The following AFG2B variants were observed in gnomAD, a reference collection of about 807,000 sequenced individuals.
The protein encoded by AFG2B is AAA ATPase AFG2B.
chr15:45,414,528 A>T, the AFG2B span: 1 of 1,565,384 alleles, frequency 6.4e-7, no homozygotes, highest in Non-Finnish European at 8.8e-7. Flanking sequence ...ATGACATTTT[A>T]TTATTATACT....
the AFG2B span, among the ~76,000 whole-genome samples, chr15:45,408,413 G>T: frequency 6.6e-6 from 1 of 151,994 alleles, no homozygotes; most frequent in Non-Finnish European, 1.5e-5. Context: ...TATGCACATA[G>T]TATTTATTTA....
chr15:45,415,687 T>G, the AFG2B span: 1 of 1,614,102 alleles, frequency 6.2e-7, no homozygotes, highest in Admixed American at 1.7e-5. Flanking sequence ...GGATGTGATG[T>G]TCAAGAACGA....
At chr15:45,404,858 A>C in the AFG2B span, among the ~76,000 whole-genome samples, 4 of 151,754 alleles carry the variant, frequency 2.6e-5, no homozygotes, top group Non-Finnish European at 4.4e-5. Flanking sequence ...ACACACACAT[A>C]TATAAAATTT....
At chr15:45,403,251 G>GAAC in the AFG2B span, 2 of 1,581,320 alleles carry the variant, frequency 1.3e-6, no homozygotes, top group Admixed American at 3.6e-5. Context: ...AGGGTTCCCG[G>GAAC]CCTGGGGAGA....
At chr15:45,403,550 G>A in the AFG2B span, 3 of 1,587,756 alleles carry the variant, frequency 1.9e-6, no homozygotes, top group East Asian at 4.6e-5. Context: ...GCCCACTGTC[G>A]GTGGAACCTC....
chr15:45,409,710 T>C, the AFG2B span, among the ~76,000 whole-genome samples: 2 of 151,708 alleles, frequency 1.3e-5, no homozygotes, highest in South Asian at 2.1e-4. Flanking sequence ...AAAAAAAATA[T>C]ATATATTTTT....
At chr15:45,414,305 A>G in the AFG2B span, among the ~76,000 whole-genome samples, 1 of 152,210 alleles carries the variant, frequency 6.6e-6, no homozygotes, top group Non-Finnish European at 1.5e-5. Context: ...GGAGACAGTC[A>G]GATTATATAA....
At chr15:45,404,859 T>A in the AFG2B span, among the ~76,000 whole-genome samples, 2 of 150,846 alleles carry the variant, frequency 1.3e-5, no homozygotes, top group Admixed American at 6.6e-5. Flanking sequence ...CACACACATA[T>A]ATAAAATTTT....
chr15:45,421,071 G>T, the AFG2B span: 1 of 1,612,076 alleles, frequency 6.2e-7, no homozygotes, highest in Non-Finnish European at 8.5e-7. Flanking sequence ...CAAGAAAATG[G>T]ACTAGACGCA....
the AFG2B span, among the ~76,000 whole-genome samples, chr15:45,409,508 G>T: frequency 6.6e-6 from 1 of 151,966 alleles, no homozygotes; most frequent in Admixed American, 6.6e-5. Flanking sequence ...TGTCAAAATT[G>T]TATATGTGTG....
chr15:45,407,797 TTTAA>T, the AFG2B span, among the ~76,000 whole-genome samples: 1 of 152,220 alleles, frequency 6.6e-6, no homozygotes, highest in Non-Finnish European at 1.5e-5. Context: ...GGGCAAATAC[TTTAA>T]TAAATACAGT....
chr15:45,421,113 C>T, the AFG2B span: 1 of 1,613,382 alleles, frequency 6.2e-7, no homozygotes, highest in Admixed American at 1.7e-5. Flanking sequence ...TTTCTAAAAT[C>T]ACTTAAGACT....
chr15:45,414,502 GA>G, the AFG2B span: 1 of 1,436,844 alleles, frequency 7.0e-7, no homozygotes. Context: ...ATGAAGAAAT[GA>G]ATTTACTGGA....
the AFG2B span, chr15:45,405,501 AGAAG>A: frequency 6.2e-7 from 1 of 1,610,566 alleles, no homozygotes; most frequent in East Asian, 2.2e-5. Context: ...CTTCATAGTG[AGAAG>A]GTAAGAAGTG....
At chr15:45,412,619 AT>A in the AFG2B span, among the ~76,000 whole-genome samples, 1 of 152,222 alleles carries the variant, frequency 6.6e-6, no homozygotes, top group Non-Finnish European at 1.5e-5. Flanking sequence ...GTCAGAAAAT[AT>A]TCTTTTGATT....
At chr15:45,417,064 A>G in the AFG2B span, 1 of 512,692 alleles carries the variant, frequency 2.0e-6, no homozygotes, top group Non-Finnish European at 3.4e-6. Flanking sequence ...TCCCTTAGCC[A>G]TGCACACAAA....
the AFG2B span, chr15:45,403,118 G>C: frequency 1.3e-6 from 2 of 1,497,330 alleles, no homozygotes; most frequent in Non-Finnish European, 1.8e-6. Context: ...ACCGCGCTGG[G>C]CTTAGCGGTG....
the AFG2B span, among the ~76,000 whole-genome samples, chr15:45,411,421 C>G: frequency 5.3e-5 from 8 of 152,320 alleles, no homozygotes; most frequent in South Asian, 1.7e-3. Flanking sequence ...CTCAAGCAGT[C>G]CTTCTGCCTC....
chr15:45,421,255 A>G, the AFG2B span: 1 of 1,391,206 alleles, frequency 7.2e-7, no homozygotes, highest in Admixed American at 2.6e-5. Context: ...TTGAAATGTG[A>G]ACTTGCCTGT....
Sources: allele counts gnomAD v4.1 joint callset (sites outside exome capture counted in the v4.1 genomes callset), GRCh38; gene constraint gnomAD v4.1.1; transcripts MANE v1.5; gene names NCBI Gene and HGNC (gene_info 2026-07-23, HGNC 2026-07-21).